NTM: variants seen among roughly 807,000 people sequenced by gnomAD.
NTM encodes IgLON family member 2.
Under a neutral mutation model 42.1 loss-of-function variants are expected in NTM, and 13 were observed. The observed-to-expected ratio is 0.31, with a 90% CI of 0.20 to 0.49. The LOEUF (loss-of-function observed/expected upper bound fraction) is 0.49, where lower values mean the gene tolerates loss of function less well. Among genes scored for constraint, NTM ranks in the 20% least tolerant of loss-of-function variants. NTM has a pLI of 0.99. For synonymous variants in NTM, 187 were observed against 179.2 expected, an observed-to-expected ratio of 1.04 and a Z score of -0.35; for missense variants, 373 against 452.8, an observed-to-expected ratio of 0.82 and a Z score of 1.60.
intron 2 of NTM, among the ~76,000 whole-genome samples, chr11:131,978,577 C>T (rs71485708): frequency 0.15 from 22,398 of 151,924 alleles, 2,101 homozygotes; most frequent in Admixed American, 0.23. Flanking sequence ...ACCTAAGGCT[C>T]TAGAGTCTCT....
chr11:132,034,635 G>A (rs950622733), intron 2 of NTM, among the ~76,000 whole-genome samples: 6 of 152,188 alleles, frequency 3.9e-5, no homozygotes, highest in Admixed American at 6.5e-5. Context: ...ACCTAGTTTT[G>A]CCATCAGATG....
intron 2 of NTM, among the ~76,000 whole-genome samples, chr11:131,988,506 C>T (rs957963476): frequency 1.3e-5 from 2 of 152,112 alleles, no homozygotes; most frequent in African/African-American, 4.8e-5. Context: ...CCTTTGTGGC[C>T]TGGTGACATA....
chr11:132,163,169 C>T (rs1482401933), intron 3 of NTM, among the ~76,000 whole-genome samples: 1 of 152,156 alleles, frequency 6.6e-6, no homozygotes, highest in African/African-American at 2.4e-5. Context: ...AAGGGATTTC[C>T]TGGAACAGTG....
chr11:132,077,388 T>G (rs920383782), intron 2 of NTM, among the ~76,000 whole-genome samples: 2 of 152,218 alleles, frequency 1.3e-5, no homozygotes, highest in Admixed American at 6.5e-5. Context: ...AGTTTGGGCC[T>G]TGTAAGAAAT....
chr11:131,896,603 A>G (rs1043155208), intron 1 of NTM, among the ~76,000 whole-genome samples: 13 of 151,122 alleles, frequency 8.6e-5, no homozygotes, highest in African/African-American at 3.2e-4. Context: ...GGATAGTTGC[A>G]TTCCTGGAGA....
chr11:131,735,565 G>A (rs1354449670), intron 1 of NTM, among the ~76,000 whole-genome samples: 1 of 152,178 alleles, frequency 6.6e-6, no homozygotes, highest in Admixed American at 6.5e-5. Flanking sequence ...GCTAGAATAG[G>A]CTAGTCTTGT....
At chr11:132,170,068 C>G (rs1487892440) in intron 3 of NTM, among the ~76,000 whole-genome samples, 1 of 152,196 alleles carries the variant, frequency 6.6e-6, no homozygotes, top group East Asian at 1.9e-4. Flanking sequence ...CAACTACAAA[C>G]CTTCAGATGC....
At chr11:131,409,276 T>G (rs991851128) in intron 1 of NTM, among the ~76,000 whole-genome samples, 2 of 152,116 alleles carry the variant, frequency 1.3e-5, no homozygotes, top group Non-Finnish European at 2.9e-5. Flanking sequence ...TAATGGAGAT[T>G]GAGAATGGAC....
At position 131,390,118 on chromosome 11, in the gene NTM, C is replaced by T. The variant is rs185605019; in HGVS notation, c.82+19230C>T. Among the ~76,000 whole-genome samples the T allele has an allele frequency of 3.3e-5, 5 of 152,240 alleles. No individual in the cohort carries two copies. In the East Asian group the frequency reaches 7.7e-4, roughly 24 times the overall value. ...AGGCTGTATTAGTGTGGCACAAGCA[C>T]CTGCTCAGTTTTGGGTGAGGCCTCA... On this transcript the variant is annotated intron_variant, in intron 1 of 8. Transcript: ENST00000683400.
At chr11:132,215,640 A>T (rs533162168) in intron 4 of NTM, among the ~76,000 whole-genome samples, 103 of 152,226 alleles carry the variant, frequency 6.8e-4, no homozygotes, top group Admixed American at 1.9e-3. Context: ...AGGACCTCCA[A>T]GGCCACCTCT....
chr11:131,812,748 G>A lies in NTM; in HGVS notation c.83-98816G>A, dbSNP rs543929959. Reference sequence around the variant, plus strand: ...GAACCAAGACTGAAGGGGACTTGAAGGTAGCAAAGCAAGGGAGGCCGAAGT... The same window carrying A: ...GAACCAAGACTGAAGGGGACTTGAAAGTAGCAAAGCAAGGGAGGCCGAAGT... On this transcript the variant is annotated intron_variant, in intron 1 of 8. Transcript: ENST00000683400. Among the ~76,000 whole-genome samples the A allele has an allele frequency of 2.0e-5, 3 of 152,280 alleles. No individual in the cohort carries two copies. The South Asian group carries it at 6.2e-4, about 32-fold the overall frequency.
At chr11:131,569,342 A>C (rs144029780) in intron 1 of NTM, among the ~76,000 whole-genome samples, 139 of 150,618 alleles carry the variant, frequency 9.2e-4, no homozygotes, top group African/African-American at 3.3e-3. Flanking sequence ...GACAGGGTTT[A>C]ACCATGTTGG....
intron 2 of NTM, among the ~76,000 whole-genome samples, chr11:131,941,440 G>T (rs1329241775): frequency 6.6e-6 from 1 of 152,084 alleles, no homozygotes; most frequent in African/African-American, 2.4e-5. Flanking sequence ...TGTGACCTTG[G>T]GCAAGTTACT....
At chr11:132,087,570 TATC>T in intron 2 of NTM, among the ~76,000 whole-genome samples, 1 of 152,244 alleles carries the variant, frequency 6.6e-6, no homozygotes, top group Admixed American at 6.5e-5. Flanking sequence ...GCTACCTCCT[TATC>T]ATAAGCCCAG....
intron 1 of NTM, among the ~76,000 whole-genome samples, chr11:131,494,730 T>A (rs1426374741): frequency 6.6e-6 from 1 of 152,224 alleles, no homozygotes; most frequent in African/African-American, 2.4e-5. Context: ...TCCTTCCAAA[T>A]ATTTGCTAGC....
At chr11:131,766,485 G>A (rs1288749751) in intron 1 of NTM, among the ~76,000 whole-genome samples, 1 of 152,154 alleles carries the variant, frequency 6.6e-6, no homozygotes, top group East Asian at 1.9e-4. Context: ...CACACGGGAG[G>A]TACGTCAAGG....
intron 2 of NTM, among the ~76,000 whole-genome samples, chr11:132,133,570 C>A (rs4937673): frequency 0.87 from 132,532 of 152,112 alleles, 58,344 homozygotes; most frequent in Non-Finnish European, 0.92. Context: ...TTGAAAGGTT[C>A]CCCGGGGGAC....
At chr11:131,492,997 C>T (rs899789712) in intron 1 of NTM, among the ~76,000 whole-genome samples, 5 of 152,050 alleles carry the variant, frequency 3.3e-5, no homozygotes, top group Non-Finnish European at 4.4e-5. Context: ...GCAGGCAGAT[C>T]GCTTGAGCCC....
intron 1 of NTM, among the ~76,000 whole-genome samples, chr11:131,824,786 A>G (rs888316471): frequency 1.3e-5 from 2 of 152,104 alleles, no homozygotes; most frequent in Non-Finnish European, 2.9e-5. Context: ...CTGGGGAAAG[A>G]GTAGGAGTTT....
Sources: gnomAD v4.1 joint callset for allele counts (sites outside exome capture counted in the v4.1 genomes callset) on GRCh38, gnomAD v4.1.1 for gene constraint, MANE v1.5 for transcripts, NCBI Gene and HGNC (gene_info 2026-07-23, HGNC 2026-07-21) for gene names.